Variants in DDAH1 observed in about 807,000 individuals in gnomAD.
DDAH1 encodes the protein N(G),N(G)-dimethylarginine dimethylaminohydrolase 1.
In DDAH1, 19 loss-of-function variants were observed where a neutral mutation model predicts 28.8. The observed-to-expected ratio is 0.66, with a 90% CI of 0.46 to 0.97. DDAH1 has a LOEUF of 0.97. Ranked by LOEUF, DDAH1 falls within the 50% of genes least tolerant of loss-of-function variation. The probability of loss-of-function intolerance (pLI) is 0.00; values close to 1 mark genes in which losing one functional copy is unlikely to be tolerated. For missense variants in DDAH1, 326 were observed against 375.9 expected (o/e 0.87, Z 1.10); for synonymous variants, 153 against 154.4 (o/e 0.99, Z 0.07).
At chr1:85,528,469 G>A (rs1365472180) in intron 1 of DDAH1, among the ~76,000 whole-genome samples, 4 of 150,916 alleles carry the variant, frequency 2.7e-5, no homozygotes, top group Non-Finnish European at 3.0e-5. Context: ...ATGATTCAAG[G>A]AAATAAAAGG....
Position 85,464,751 on chromosome 1 carries a change from T to A in DDAH1, c.295A>T (p.Arg99Trp). ...LITRPGAPSR[R>W]KEVDMMKEAL... ...CTCGAGTCGGCAGTTACCTCCTTCC[T>A]CCGGCTCGGCGCCCCGGGTCGGGTG... is the stretch of plus-strand genomic sequence containing the variant. The change falls in exon 1 of 6, where the codon AGG becomes TGG. Residue 99 changes from arginine to tryptophan, a missense_variant. Coordinates refer to ENST00000284031, the MANE Select transcript of DDAH1 (RefSeq NM_012137.4). The surrounding 1 kb of genome is among the most constrained non-coding windows in gnomAD (Gnocchi z 4.4). The A allele has an allele frequency of 6.5e-7, 1 of 1,544,138 alleles. No homozygotes were observed. The highest frequency in any genetic ancestry group is 8.7e-7 in the Non-Finnish European group (1 of 1,151,026).
At chr1:85,574,498 C>T (rs1020750619) in intron 1 of DDAH1, among the ~76,000 whole-genome samples, 2 of 152,228 alleles carry the variant, frequency 1.3e-5, no homozygotes, top group Non-Finnish European at 2.9e-5. Flanking sequence ...CTCAAATGTC[C>T]TGCCCTGCTA....
chr1:85,369,670 A>G (rs1650274022), intron 1 of DDAH1, among the ~76,000 whole-genome samples: 1 of 152,222 alleles, frequency 6.6e-6, no homozygotes. Flanking sequence ...GGTTCCAAGA[A>G]TACATCAGCG....
intron 1 of DDAH1, among the ~76,000 whole-genome samples, chr1:85,533,262 G>A (rs1570650064): frequency 6.6e-6 from 1 of 152,114 alleles, no homozygotes; most frequent in East Asian, 1.9e-4. Flanking sequence ...TTTACAAATT[G>A]CTACATTGAT....
intron 1 of DDAH1, among the ~76,000 whole-genome samples, chr1:85,511,209 C>T (rs1365218777): frequency 2.0e-5 from 3 of 152,176 alleles, no homozygotes; most frequent in Admixed American, 2.0e-4. Context: ...CTCAAAACTG[C>T]ACAACTACCT....
At chr1:85,415,045 C>T (rs1244900403) in intron 1 of DDAH1, among the ~76,000 whole-genome samples, 1 of 110,368 alleles carries the variant, frequency 9.1e-6, no homozygotes, top group Admixed American at 1.4e-4. Context: ...GATGGAGTCT[C>T]GCACTGTCAC....
chr1:85,413,005 A>C (rs920683924), intron 1 of DDAH1, among the ~76,000 whole-genome samples: 1 of 152,218 alleles, frequency 6.6e-6, no homozygotes, highest in South Asian at 2.1e-4. Context: ...TCTCTCAAAA[A>C]ATAAATTTTT....
chr1:85,337,911 T>G (rs1270595610), intron 4 of DDAH1, among the ~76,000 whole-genome samples: 1 of 152,214 alleles, frequency 6.6e-6, no homozygotes, highest in Non-Finnish European at 1.5e-5. Flanking sequence ...TCCACACTTT[T>G]GCATTATCCT....
intron 1 of DDAH1, among the ~76,000 whole-genome samples, chr1:85,526,148 A>T (rs1657864675): frequency 6.6e-6 from 1 of 152,218 alleles, no homozygotes; most frequent in South Asian, 2.1e-4. Context: ...AGTGTCCTGT[A>T]TGTGCTACAG....
chr1:85,321,164 C>G lies in DDAH1; in HGVS notation c.*288G>C, dbSNP rs896481291. 2 of 249,630 alleles carry G rather than the reference C, an allele frequency of 8.0e-6. No homozygotes were observed. Among genetic ancestry groups the G allele is most frequent in the East Asian group, 1.5e-4 (2 of 13,116 alleles). 15.5% of individuals were successfully genotyped at this position (249,630 alleles called of 1,614,324 possible). A position where few individuals can be genotyped will look rare whatever the true frequency, so the allele number is the denominator to read the frequency against. On this transcript the variant is annotated 3_prime_UTR_variant, in exon 6 of 6. Transcript: ENST00000284031. The stretch of plus-strand genomic sequence containing the variant: ...ATAATTTTCACACCAAAAATACAGA[C>G]ACTAAATGAGTGTTTCCTTACTGGG...
At chr1:85,476,915 A>G (rs957949269) in intron 2 of DDAH1, among the ~76,000 whole-genome samples, 1 of 152,346 alleles carries the variant, frequency 6.6e-6, no homozygotes, top group South Asian at 2.1e-4. Context: ...GTCACTGACT[A>G]GTAGTAGGTG....
At position 85,464,734 on chromosome 1, in the gene DDAH1, G is replaced by A. The variant is rs770073012; in HGVS notation, c.303+9C>T. ...GCGCCCCGGCCGCGCCCCTCGAGTC[G>A]GCAGTTACCTCCTTCCTCCGGCTCG... On this transcript the variant is annotated intron_variant, in intron 1 of 5. Coordinates refer to ENST00000284031, the MANE Select transcript of DDAH1 (RefSeq NM_012137.4). The surrounding 1 kb of genome is among the most constrained non-coding windows in gnomAD (Gnocchi z 4.4). The A allele has an allele frequency of 3.3e-6, 5 of 1,510,060 alleles. No homozygotes were observed. The highest frequency in any genetic ancestry group is 4.9e-5 in the East Asian group (2 of 40,570). The allele number at this position is 1,510,060 out of a possible 1,614,324, so 93.5% of individuals were successfully genotyped here.
intron 1 of DDAH1, among the ~76,000 whole-genome samples, chr1:85,446,974 G>A (rs1214010844): frequency 6.6e-6 from 1 of 152,126 alleles, no homozygotes; most frequent in African/African-American, 2.4e-5. Context: ...CCTTTCAACA[G>A]GAAGAAAGAA....
intron 4 of DDAH1, among the ~76,000 whole-genome samples, chr1:85,339,262 G>A (rs576664876): frequency 6.6e-6 from 1 of 152,082 alleles, no homozygotes. Flanking sequence ...CATTGTTGTT[G>A]TTTTTGGAAC....
At chr1:85,400,631 C>T (rs1250572620) in intron 1 of DDAH1, among the ~76,000 whole-genome samples, 1 of 152,114 alleles carries the variant, frequency 6.6e-6, no homozygotes, top group African/African-American at 2.4e-5. Flanking sequence ...ACGCACTGTC[C>T]ACATGGGATC....
At position 85,544,881 on chromosome 1, in the gene DDAH1, T is replaced by C. The variant is rs149361529; in HGVS notation, c.-123+33103A>G. On this transcript the variant is annotated intron_variant, in intron 1 of 6. Transcript: ENST00000426972. ...CCCTTAAAATTCCCAAAGGGCCTAT[T>C]CACCCTGTCACACCCGCACAGATGC... is the stretch of plus-strand genomic sequence containing the variant. 1.4e-3 allele frequency among the ~76,000 whole-genome samples: 218 copies of C among 152,218 alleles called. 1 individual carries two copies. Among genetic ancestry groups the C allele is most frequent in the African/African-American group, 4.9e-3 (205 of 41,538 alleles).
At chr1:85,529,688 T>C (rs1345194776) in intron 1 of DDAH1, among the ~76,000 whole-genome samples, 4 of 135,440 alleles carry the variant, frequency 3.0e-5, no homozygotes, top group Non-Finnish European at 6.3e-5. Context: ...TTCTGCCTCC[T>C]GTGGTAGATT....
At chr1:85,480,516 TG>T (rs1417518654) in intron 2 of DDAH1, among the ~76,000 whole-genome samples, 2 of 152,082 alleles carry the variant, frequency 1.3e-5, no homozygotes, top group Non-Finnish European at 2.9e-5. Context: ...AGGCTGAAGC[TG>T]GCGGATCACC....
intron 1 of DDAH1, among the ~76,000 whole-genome samples, chr1:85,457,697 C>T (rs1354047922): frequency 1.3e-5 from 2 of 152,164 alleles, no homozygotes; most frequent in Non-Finnish European, 2.9e-5. Context: ...AGAATCAAGG[C>T]AAAAGGATGA....
Sources: allele counts gnomAD v4.1 joint callset (sites outside exome capture counted in the v4.1 genomes callset), GRCh38; gene constraint gnomAD v4.1.1; non-coding constraint Gnocchi (gnomAD v3.1); transcripts MANE v1.5; gene names NCBI Gene and HGNC (gene_info 2026-07-23, HGNC 2026-07-21).